Variants in ARHGAP15 observed in about 807,000 individuals in gnomAD.
ARHGAP15 encodes Rho GTPase activating protein 15.
In ARHGAP15, 51 loss-of-function variants were observed where a neutral mutation model predicts 63.7. That is an observed-to-expected ratio of 0.80 (90% CI 0.64 to 1.01). ARHGAP15 has a LOEUF of 1.01. Among genes scored for constraint, ARHGAP15 ranks in the 50% least tolerant of loss-of-function variants. The pLI, the probability that ARHGAP15 is intolerant of heterozygous loss-of-function variation, is 0.00. For missense variants in ARHGAP15, 560 were observed against 564.6 expected (o/e 0.99, Z 0.08); for synonymous variants, 191 against 193.8 (o/e 0.99, Z 0.12).
chr2:143,742,833 C>CT (rs1229683300), intron 13 of ARHGAP15, among the ~76,000 whole-genome samples: 2 of 152,220 alleles, frequency 1.3e-5, no homozygotes, highest in African/African-American at 4.8e-5. Context: ...ATGCAGCTCC[C>CT]TGACAGAGCG....
chr2:143,689,134 A>AT (rs1453673079), intron 12 of ARHGAP15, among the ~76,000 whole-genome samples: 1 of 152,062 alleles, frequency 6.6e-6, no homozygotes, highest in African/African-American at 2.4e-5. Flanking sequence ...ATGTCTCCAT[A>AT]TTCTGGGAAA....
intron 5 of ARHGAP15, among the ~76,000 whole-genome samples, chr2:143,229,417 GC>G (rs1693353227): frequency 6.6e-6 from 1 of 152,148 alleles, no homozygotes; most frequent in South Asian, 2.1e-4. Context: ...CTGGAGGAGG[GC>G]CTCACATATA....
intron 6 of ARHGAP15, among the ~76,000 whole-genome samples, chr2:143,331,545 TGAAAA>T (rs981533112): frequency 2.6e-5 from 4 of 152,186 alleles, no homozygotes; most frequent in African/African-American, 9.6e-5. Flanking sequence ...TGTTATCCTT[TGAAAA>T]GAAATCTATG....
intron 13 of ARHGAP15, among the ~76,000 whole-genome samples, chr2:143,730,781 T>C (rs992044261): frequency 7.9e-5 from 12 of 151,338 alleles, no homozygotes; most frequent in Non-Finnish European, 1.8e-4. Flanking sequence ...AGTAGTAAAG[T>C]GGCTTCCAGA....
chr2:143,706,206 T>C (rs1374435749), intron 13 of ARHGAP15, among the ~76,000 whole-genome samples: 2 of 152,172 alleles, frequency 1.3e-5, no homozygotes, highest in Non-Finnish European at 2.9e-5. Flanking sequence ...AAGTTTTTGA[T>C]AAACAGCCAA....
chr2:143,614,891 C>T (rs530542719), intron 11 of ARHGAP15, among the ~76,000 whole-genome samples: 100 of 152,236 alleles, frequency 6.6e-4, no homozygotes, highest in Admixed American at 1.6e-3. Context: ...CGGCAGAGAC[C>T]GGGAATTGGT....
chr2:143,309,866 T>TTG (rs10562854), intron 6 of ARHGAP15, among the ~76,000 whole-genome samples: 35,407 of 148,952 alleles, frequency 0.24, 4,229 homozygotes, highest in Middle Eastern at 0.3. Context: ...ATATATGAAC[T>TTG]TGTGTGTGTG....
chr2:143,349,886 A>G (rs1319650375), intron 6 of ARHGAP15, among the ~76,000 whole-genome samples: 1 of 152,180 alleles, frequency 6.6e-6, no homozygotes, highest in East Asian at 1.9e-4. Context: ...TCTTGGAAGG[A>G]TATGCATATG....
At chr2:143,761,951 T>C (rs1027294485) in intron 13 of ARHGAP15, among the ~76,000 whole-genome samples, 3 of 152,184 alleles carry the variant, frequency 2.0e-5, no homozygotes, top group Admixed American at 1.3e-4. Flanking sequence ...TACTTAGTGG[T>C]ATAAGAAATG....
chr2:143,549,486 C>T (rs1211000376), intron 10 of ARHGAP15, among the ~76,000 whole-genome samples: 1 of 151,986 alleles, frequency 6.6e-6, no homozygotes, highest in South Asian at 2.1e-4. Flanking sequence ...CAGGGGTGTC[C>T]CAGAGAATAA....
intron 10 of ARHGAP15, among the ~76,000 whole-genome samples, chr2:143,538,268 G>A (rs1272112825): frequency 1.3e-5 from 2 of 152,140 alleles, no homozygotes; most frequent in African/African-American, 4.8e-5. Flanking sequence ...ATCAGCTTAA[G>A]GAGATTTTGG....
chr2:143,547,993 AAACC>A (rs986875628), intron 10 of ARHGAP15, among the ~76,000 whole-genome samples: 4 of 152,050 alleles, frequency 2.6e-5, no homozygotes, highest in African/African-American at 9.7e-5. Context: ...ACCACTAAGA[AAACC>A]AAACCAGTAA....
chr2:143,569,021 G>A (rs1338240312), intron 11 of ARHGAP15, among the ~76,000 whole-genome samples: 1 of 152,172 alleles, frequency 6.6e-6, no homozygotes, highest in Non-Finnish European at 1.5e-5. Flanking sequence ...CATAGGATGG[G>A]GGGCAGGGGG....
chr2:143,180,825 C>G (rs1206600231), intron 2 of ARHGAP15, among the ~76,000 whole-genome samples: 1 of 152,020 alleles, frequency 6.6e-6, no homozygotes, highest in Non-Finnish European at 1.5e-5. Flanking sequence ...AGGCGCCCAC[C>G]AACACGCCAG....
chr2:143,204,169 C>A (rs577048269), intron 3 of ARHGAP15, among the ~76,000 whole-genome samples: 41 of 152,224 alleles, frequency 2.7e-4, no homozygotes, highest in African/African-American at 9.9e-4. Context: ...TCATCTGTCA[C>A]CCAGTTTATT....
intron 6 of ARHGAP15, among the ~76,000 whole-genome samples, chr2:143,315,960 C>T (rs1245689805): frequency 1.3e-5 from 2 of 152,054 alleles, no homozygotes; most frequent in African/African-American, 4.8e-5. Flanking sequence ...GTGGTGCGTG[C>T]CTGTATTCCC....
chr2:143,153,788 C>T (rs1396364683), intron 1 of ARHGAP15, among the ~76,000 whole-genome samples: 2 of 26,996 alleles, frequency 7.4e-5, no homozygotes, highest in Non-Finnish European at 1.6e-4. Flanking sequence ...TCTTCTTCTT[C>T]TTCTTCTTCT....
chr2:143,616,632 G>A (rs1027756288), intron 11 of ARHGAP15, among the ~76,000 whole-genome samples: 1 of 152,110 alleles, frequency 6.6e-6, no homozygotes, highest in East Asian at 1.9e-4. Context: ...TCCTCCCTCT[G>A]TCGTAATTCA....
intron 6 of ARHGAP15, among the ~76,000 whole-genome samples, chr2:143,431,931 C>T (rs1290540881): frequency 6.6e-6 from 1 of 152,036 alleles, no homozygotes. Flanking sequence ...TTATCTCTTA[C>T]ATCTTTGGTA....
Sources: gnomAD v4.1 joint callset for allele counts (sites outside exome capture counted in the v4.1 genomes callset) on GRCh38, gnomAD v4.1.1 for gene constraint, MANE v1.5 for transcripts, NCBI Gene and HGNC (gene_info 2026-07-23, HGNC 2026-07-21) for gene names.